TAFA2: variants seen among roughly 807,000 people sequenced by gnomAD.
The protein encoded by TAFA2 is TAFA chemokine like family member 2.
TAFA2 carries 7 observed loss-of-function variants against 18.8 expected under a neutral mutation model. The observed-to-expected ratio is 0.37, with a 90% CI of 0.21 to 0.70. The LOEUF is 0.70. TAFA2 is among the 30% of genes least tolerant of loss of function. TAFA2 has a pLI of 0.53. For missense variants in TAFA2, 122 were observed against 158.1 expected, an observed-to-expected ratio of 0.77 and a Z score of 1.23; for synonymous variants, 60 against 54.2, an observed-to-expected ratio of 1.11 and a Z score of -0.47.
intron 1 of TAFA2, among the ~76,000 whole-genome samples, chr12:61,948,744 G>A (rs1285706050): frequency 6.6e-6 from 1 of 152,162 alleles, no homozygotes; most frequent in Non-Finnish European, 1.5e-5. Context: ...ATATTTGGGT[G>A]TTTGCATTGT....
chr12:61,757,266 T>G (rs1254307945), intron 2 of TAFA2, among the ~76,000 whole-genome samples: 4 of 151,958 alleles, frequency 2.6e-5, no homozygotes, highest in African/African-American at 9.7e-5. Flanking sequence ...AGTGTAGAGT[T>G]GATTTGATTT....
intron 2 of TAFA2, among the ~76,000 whole-genome samples, chr12:61,782,334 T>C (rs1192958192): frequency 6.6e-6 from 1 of 151,732 alleles, no homozygotes. Flanking sequence ...GGAGGCTTCC[T>C]ACATGATAAA....
In TAFA2 at chr12:61,989,066, T is replaced by C. The variant is rs552301252; in HGVS notation, c.-1-121640A>G. On this transcript the variant is annotated intron_variant, in intron 1 of 4. Transcript: ENST00000416284. ...TCAGAAAAATATTTTAAGGCAGATA[T>C]GCATTAATAGTGTGCTGTATTGATC... is the stretch of plus-strand genomic sequence containing the variant. Among the ~76,000 whole-genome samples, 18 of 152,318 alleles carry C rather than the reference T, an allele frequency of 1.2e-4. No individual in the cohort carries two copies. The South Asian group carries it at 3.1e-3, about 26-fold the overall frequency.
chr12:62,042,185 C>A (rs1881774378), intron 1 of TAFA2, among the ~76,000 whole-genome samples: 1 of 151,974 alleles, frequency 6.6e-6, no homozygotes, highest in Admixed American at 6.6e-5. Context: ...TACCCATTCC[C>A]AAGCTCTCTT....
intron 1 of TAFA2, chr12:62,252,433 G>A (rs1345593951): frequency 6.6e-6 from 1 of 152,168 alleles, no homozygotes; most frequent in Non-Finnish European, 1.5e-5. Context: ...GTCTCCTGGT[G>A]GAAATGCTCA....
intron 1 of TAFA2, among the ~76,000 whole-genome samples, chr12:62,242,224 ACT>A (rs993536671): frequency 2.0e-5 from 3 of 152,246 alleles, no homozygotes; most frequent in African/African-American, 7.2e-5. Flanking sequence ...TGAAAATTAC[ACT>A]GAGACATATT....
At chr12:61,921,350 T>TTACA (rs1877045845) in intron 1 of TAFA2, among the ~76,000 whole-genome samples, 1 of 152,168 alleles carries the variant, frequency 6.6e-6, no homozygotes, top group African/African-American at 2.4e-5. Context: ...AAGTGTCCAC[T>TTACA]TACAGGATGT....
intron 1 of TAFA2, among the ~76,000 whole-genome samples, chr12:62,062,332 T>C (rs1210281933): frequency 6.6e-6 from 1 of 152,176 alleles, no homozygotes; most frequent in Non-Finnish European, 1.5e-5. Flanking sequence ...TCACACTTCT[T>C]GCATCTGGAG....
chr12:62,059,672 G>A (rs2136786052), intron 1 of TAFA2, among the ~76,000 whole-genome samples: 1 of 152,300 alleles, frequency 6.6e-6, no homozygotes, highest in African/African-American at 2.4e-5. Flanking sequence ...ATTCCAGGCA[G>A]AGTCAACAGC....
Position 61,879,120 on chromosome 12 carries a change from A to G in TAFA2, c.-1-11694T>C, listed in dbSNP as rs559670609. 2.0e-5 allele frequency among the ~76,000 whole-genome samples: 3 copies of G among 152,260 alleles called. No individual in the cohort carries two copies. In the South Asian group the frequency reaches 6.2e-4, roughly 32 times the overall value. Reference sequence around the variant, plus strand: ...GACAGAAGTTGGAGGCTGCAGGGAAACGTGATGGCACCACTACACTCCAGC... The same window carrying G: ...GACAGAAGTTGGAGGCTGCAGGGAAGCGTGATGGCACCACTACACTCCAGC... On this transcript the variant is annotated intron_variant, in intron 1 of 4. Coordinates refer to ENST00000416284, the MANE Select transcript of TAFA2 (RefSeq NM_178539.5).
At chr12:61,914,290 T>C (rs1178876106) in intron 1 of TAFA2, among the ~76,000 whole-genome samples, 1 of 152,172 alleles carries the variant, frequency 6.6e-6, no homozygotes, top group Admixed American at 6.5e-5. Context: ...TCTCAGGATC[T>C]AATCATGAAT....
chr12:61,733,759 C>CT, intron 4 of TAFA2, among the ~76,000 whole-genome samples: 1 of 152,168 alleles, frequency 6.6e-6, no homozygotes, highest in Middle Eastern at 3.4e-3. Context: ...GATGCTGGCT[C>CT]TTTTTTGGTT....
intron 1 of TAFA2, chr12:62,139,860 C>T (rs932593830): frequency 6.6e-6 from 1 of 152,156 alleles, no homozygotes; most frequent in Non-Finnish European, 1.5e-5. Context: ...CACACAGTGA[C>T]TTAGCCAGGA....
chr12:62,061,917 G>C (rs1374834321), intron 1 of TAFA2, among the ~76,000 whole-genome samples: 2 of 152,116 alleles, frequency 1.3e-5, no homozygotes, highest in Non-Finnish European at 2.9e-5. Context: ...TTTATTGTAA[G>C]AGCGGAGAAG....
intron 1 of TAFA2, among the ~76,000 whole-genome samples, chr12:62,098,676 C>T (rs755062093): frequency 6.6e-6 from 1 of 152,110 alleles, no homozygotes; most frequent in African/African-American, 2.4e-5. Flanking sequence ...TGGAAGTCTA[C>T]GCCTCTTGCA....
chr12:61,909,338 G>A (rs547320999), intron 1 of TAFA2, among the ~76,000 whole-genome samples: 16 of 152,264 alleles, frequency 1.1e-4, no homozygotes, highest in Admixed American at 5.2e-4. Context: ...CAAAGATGGC[G>A]AGCAGGACAT....
At chr12:62,082,435 T>C (rs1160899664) in intron 1 of TAFA2, among the ~76,000 whole-genome samples, 2 of 152,226 alleles carry the variant, frequency 1.3e-5, no homozygotes, top group Non-Finnish European at 2.9e-5. Context: ...TTTTAAGGTG[T>C]ACAAATATCA....
At chr12:62,256,193 C>T (rs377067001) in intron 1 of TAFA2, among the ~76,000 whole-genome samples, 1 of 151,296 alleles carries the variant, frequency 6.6e-6, no homozygotes, top group Admixed American at 6.6e-5. Flanking sequence ...CGCTTGAACC[C>T]GGGAGGCAGA....
intron 1 of TAFA2, among the ~76,000 whole-genome samples, chr12:62,237,184 C>T (rs2062841609): frequency 6.6e-6 from 1 of 152,098 alleles, no homozygotes; most frequent in African/African-American, 2.4e-5. Flanking sequence ...AATAGCCTGT[C>T]TTTTAGCTCA....
Sources: gnomAD v4.1 joint callset for allele counts (sites outside exome capture counted in the v4.1 genomes callset) on GRCh38, gnomAD v4.1.1 for gene constraint, MANE v1.5 for transcripts, NCBI Gene and HGNC (gene_info 2026-07-23, HGNC 2026-07-21) for gene names.